The following PSMD13 variants were observed in gnomAD, a reference collection of about 807,000 sequenced individuals.
PSMD13 encodes proteasome 26S subunit, non-ATPase 13.
Under a neutral mutation model 57.4 loss-of-function variants are expected in PSMD13, and 8 were observed. That is an observed-to-expected ratio of 0.14 (90% CI 0.08 to 0.25). PSMD13 has a LOEUF of 0.25. Ranked by LOEUF, PSMD13 falls within the 10% of genes least tolerant of loss-of-function variation. PSMD13 has a pLI of 1.00. For synonymous variants in PSMD13, 193 were observed against 168.2 expected (o/e 1.15, Z -1.14); for missense variants, 400 against 461.5 (o/e 0.87, Z 1.22).
In PSMD13 at chr11:237,111, T is replaced by C. The variant is rs1326320923; in HGVS notation, c.62T>C (p.Val21Ala). Residue 21 changes from valine to alanine, a missense_variant, in exon 1 of 13, where the codon GTG becomes GCG. Transcript: ENST00000532097. Reference protein sequence around the residue: ...SQNSGPGQPAVWHRLEELYTK... With the variant: ...SQNSGPGQPAAWHRLEELYTK... Reference sequence around the variant, plus strand: ...AACTCCGGGCCCGGGCAGCCCGCTGTGTGGCACCGTCTGGAGGAGCTCTAC... The same window carrying C: ...AACTCCGGGCCCGGGCAGCCCGCTGCGTGGCACCGTCTGGAGGAGCTCTAC... 1 of 1,611,472 alleles carries C rather than the reference T, an allele frequency of 6.2e-7. No homozygotes were observed. Among genetic ancestry groups the C allele is most frequent in the Admixed American group, 1.7e-5 (1 of 59,858 alleles).
Position 239,028 on chromosome 11 carries a change from T to G in PSMD13, c.126T>G (p.Leu42=), listed in dbSNP as rs780115381. 5 of 1,614,180 alleles carry G rather than the reference T, an allele frequency of 3.1e-6. No homozygotes were observed. The highest frequency in any genetic ancestry group is 4.2e-6 in the Non-Finnish European group (5 of 1,180,026). Residue 42 remains leucine, a synonymous_variant, in exon 2 of 13, where the codon CTT becomes CTG. Coordinates refer to ENST00000532097, the MANE Select transcript of PSMD13 (RefSeq NM_002817.4). Reference sequence around the variant, plus strand: ...GGCATCAGCTGACACTTCAGGTGCTTGATTTTGTGCAGGATCCGTGCTTTG... The same window carrying G: ...GGCATCAGCTGACACTTCAGGTGCTGGATTTTGTGCAGGATCCGTGCTTTG... The part of the protein sequence containing the change: ...KLWHQLTLQV[L]DFVQDPCFAQ...
intron 2 of PSMD13, among the ~76,000 whole-genome samples, chr11:240,821 T>TTTTA (rs1365411047): frequency 6.6e-6 from 1 of 152,136 alleles, no homozygotes; most frequent in Admixed American, 6.5e-5. Flanking sequence ...AAAAATGCCA[T>TTTTA]TTTATTTATT....
Position 237,044 on chromosome 11 carries a change from G to A in PSMD13, c.-6G>A. 1 of 1,611,770 alleles carries A rather than the reference G, an allele frequency of 6.2e-7. No individual in the cohort carries two copies. Among genetic ancestry groups the A allele is most frequent in the Non-Finnish European group, 8.5e-7 (1 of 1,178,002 alleles). ...GTTCTTCTGTGCCGGGGGTCTTCCT[G>A]CTGTCATGAAGGACGTACCGGGCTT... On this transcript the variant is annotated 5_prime_UTR_variant, in exon 1 of 13. Transcript: ENST00000532097.
rs1031644160 is a variant in PSMD13, at chr11:251,063, C to T, written c.837+198C>T. 1.8e-5 allele frequency: 10 copies of T among 571,064 alleles called. No homozygotes were observed. The highest frequency in any genetic ancestry group is 5.6e-5 in the African/African-American group (3 of 53,532). The allele number at this position is 571,064 out of a possible 1,614,324, so 35.4% of individuals were successfully genotyped here. A position where few individuals can be genotyped will look rare whatever the true frequency, so the allele number is the denominator to read the frequency against. On this transcript the variant is annotated intron_variant, in intron 10 of 12. Coordinates refer to ENST00000532097, the MANE Select transcript of PSMD13 (RefSeq NM_002817.4). This position sits in a 1 kb window ranked among gnomAD's most constrained non-coding sequence, Gnocchi z 4.6. ...GTTTATATTTGGCTCTTAGCTCAGA[C>T]GACACCCTCCCACCCCACTGCCACC...
intron 10 of PSMD13, 27 bp downstream of exon 10, chr11:250,892 G>A: frequency 1.2e-6 from 2 of 1,609,274 alleles, no homozygotes; most frequent in Non-Finnish European, 8.5e-7. Context: ...GAGCCACTTT[G>A]TCTGTGGTTT....
intron 7 of PSMD13, 49 bp from the exon 8 acceptor site, chr11:248,727 G>A: frequency 6.5e-7 from 1 of 1,547,646 alleles, no homozygotes; most frequent in Non-Finnish European, 8.9e-7. Context: ...AGCTAAACAG[G>A]ACTGATTATT....
intron 4 of PSMD13, 104 bp from the exon 5 acceptor site, chr11:244,322 A>G (rs1859585929): frequency 6.3e-7 from 1 of 1,576,956 alleles, no homozygotes; most frequent in Non-Finnish European, 8.6e-7. Flanking sequence ...TTATGTTTTT[A>G]TTATACTTTA....
At chr11:237,556 C>T (rs970350211) in intron 1 of PSMD13, among the ~76,000 whole-genome samples, 1 of 152,206 alleles carries the variant, frequency 6.6e-6, no homozygotes, top group African/African-American at 2.4e-5. Context: ...GTTGGTGATT[C>T]GTGCTTAGCC....
Position 252,448 on chromosome 11 carries a change from C to CA in PSMD13, c.1036-57_1036-56insA. On this transcript the variant is annotated intron_variant, in intron 12 of 12. Coordinates refer to ENST00000532097, the MANE Select transcript of PSMD13 (RefSeq NM_002817.4). This position sits in a 1 kb window ranked among gnomAD's most constrained non-coding sequence, Gnocchi z 4.1. ...ACCCCATCAGGTGCTGTGCCGGCCGCTCGGCCTGTGTCTCCTGCGTGTCTT... is the reference window on the plus strand; with the variant it reads ...ACCCCATCAGGTGCTGTGCCGGCCGCATCGGCCTGTGTCTCCTGCGTGTCTT... The CA allele has an allele frequency of 3.2e-6, 5 of 1,560,050 alleles. No homozygotes were observed. The South Asian group carries it at 5.6e-5, about 17-fold the overall frequency.
intron 6 of PSMD13, among the ~76,000 whole-genome samples, chr11:245,713 T>C (rs1423456040): frequency 0.02 from 1,909 of 94,882 alleles, 83 homozygotes; most frequent in African/African-American, 0.081. Context: ...TGTGTGTGTT[T>C]GTGTGTGTGT....
At chr11:247,179 T>A in intron 6 of PSMD13, 98 bp from the exon 7 acceptor site, 1 of 1,295,244 alleles carries the variant, frequency 7.7e-7, no homozygotes, top group Non-Finnish European at 1.0e-6. Context: ...GGCCAGGAGT[T>A]CAAGACCACC....
chr11:237,148 AGC>A lies in PSMD13; in HGVS notation c.95+7_95+8del, dbSNP rs1313597083. ...TGGAGGAGCTCTACACGAAGAAGTG[AGC>A]GCCGAGCAGACGGGCCCTGGGCCCC... On this transcript the variant is annotated splice_donor_5th_base_variant and intron_variant, in intron 1 of 12. Coordinates refer to ENST00000532097, the MANE Select transcript of PSMD13 (RefSeq NM_002817.4). 27 of 1,608,972 alleles carry A rather than the reference AGC, an allele frequency of 1.7e-5. No homozygotes were observed. Among genetic ancestry groups the A allele is most frequent in the Non-Finnish European group, 2.2e-5 (26 of 1,177,316 alleles).
At chr11:240,594 C>T (rs1481854366) in intron 2 of PSMD13, among the ~76,000 whole-genome samples, 4 of 152,174 alleles carry the variant, frequency 2.6e-5, no homozygotes, top group Non-Finnish European at 5.9e-5. Flanking sequence ...GTTTACTTTT[C>T]CCATAGACAG....
At chr11:243,515 AT>A in intron 2 of PSMD13, 2 of 325,304 alleles carry the variant, frequency 6.1e-6, no homozygotes, top group Non-Finnish European at 6.0e-6. Context: ...TGGCTGTAGG[AT>A]TTTCAACAGC....
Position 251,033 on chromosome 11 carries a change from T to A in PSMD13, c.837+168T>A. ...CTTTTCCTTTGCTACCACTTGCTCTTCTAAGTTTATATTTGGCTCTTAGCT... is the reference window on the plus strand; with the variant it reads ...CTTTTCCTTTGCTACCACTTGCTCTACTAAGTTTATATTTGGCTCTTAGCT... On this transcript the variant is annotated intron_variant, in intron 10 of 12. Transcript: ENST00000532097. This position sits in a 1 kb window ranked among gnomAD's most constrained non-coding sequence, Gnocchi z 4.6. The A allele has an allele frequency of 1.5e-6, 1 of 648,310 alleles. No individual in the cohort carries two copies. The highest frequency in any genetic ancestry group is 2.7e-6 in the Non-Finnish European group (1 of 372,030). 40.2% of individuals were successfully genotyped at this position (648,310 alleles called of 1,614,324 possible). A position where few individuals can be genotyped will look rare whatever the true frequency, so the allele number is the denominator to read the frequency against.
chr11:241,408 C>T (rs149087546), intron 2 of PSMD13, among the ~76,000 whole-genome samples: 18 of 152,300 alleles, frequency 1.2e-4, no homozygotes, highest in Middle Eastern at 6.8e-3. Flanking sequence ...CAAAGTGCTA[C>T]ATAACAGACG....
At chr11:247,560 G>A (rs369331046) in intron 7 of PSMD13, 112 bp downstream of exon 7, 15 of 1,224,926 alleles carry the variant, frequency 1.2e-5, no homozygotes, top group African/African-American at 7.6e-5. Flanking sequence ...GGCTGGGCAC[G>A]GTGGCTCACG....
At chr11:238,715 T>C (rs1464466747) in intron 1 of PSMD13, among the ~76,000 whole-genome samples, 1 of 152,166 alleles carries the variant, frequency 6.6e-6, no homozygotes, top group Non-Finnish European at 1.5e-5. Context: ...TTTTTTTGGA[T>C]TTAGTATTTT....
At chr11:239,420 G>C (rs1376340216) in intron 2 of PSMD13, among the ~76,000 whole-genome samples, 1 of 152,172 alleles carries the variant, frequency 6.6e-6, no homozygotes, top group Non-Finnish European at 1.5e-5. Flanking sequence ...TTAGTTCATA[G>C]GCTTCTTTTT....
Sources: allele counts gnomAD v4.1 joint callset (sites outside exome capture counted in the v4.1 genomes callset), GRCh38; gene constraint gnomAD v4.1.1; non-coding constraint Gnocchi (gnomAD v3.1); transcripts MANE v1.5; gene names NCBI Gene and HGNC (gene_info 2026-07-23, HGNC 2026-07-21).